Variants in IL1RAPL2 observed in about 807,000 individuals in gnomAD.
The protein encoded by IL1RAPL2 is X-linked interleukin-1 receptor accessory protein-like 2.
Under a neutral mutation model 44.1 loss-of-function variants are expected in IL1RAPL2, and 3 were observed. The ratio of observed to expected loss-of-function variants is 0.07; its 90% confidence interval spans 0.03 to 0.18. IL1RAPL2 has a LOEUF of 0.18. Among genes scored for constraint, IL1RAPL2 ranks in the 10% least tolerant of loss-of-function variants. The probability of loss-of-function intolerance (pLI) is 1.00; values close to 1 mark genes in which losing one functional copy is unlikely to be tolerated. For missense variants in IL1RAPL2, 391 were observed against 496.4 expected, an observed-to-expected ratio of 0.79 and a Z score of 2.02; for synonymous variants, 181 against 178.8, an observed-to-expected ratio of 1.01 and a Z score of -0.10.
intron 6 of IL1RAPL2, among the ~76,000 whole-genome samples, chrX:105,679,441 C>T (rs976540791): frequency 9.0e-6 from 1 of 111,644 alleles, no homozygotes; most frequent in African/African-American, 3.2e-5. Context: ...ATGAGGGAAC[C>T]AGGCAGATAT....
intron 5 of IL1RAPL2, among the ~76,000 whole-genome samples, chrX:105,397,906 T>G (rs2035575927): frequency 9.0e-6 from 1 of 111,064 alleles, no homozygotes; most frequent in South Asian, 3.8e-4. Flanking sequence ...TTTTCCATCC[T>G]TAGCTCTCTT....
At chrX:104,713,419 T>C (rs755151493) in intron 2 of IL1RAPL2, among the ~76,000 whole-genome samples, 2 of 110,897 alleles carry the variant, frequency 1.8e-5, no homozygotes, top group African/African-American at 3.3e-5. Context: ...TACTTGAAAT[T>C]GTTTAAAATG....
intron 2 of IL1RAPL2, among the ~76,000 whole-genome samples, chrX:105,018,357 C>A (rs1455202369): frequency 9.0e-6 from 1 of 111,279 alleles, no homozygotes; most frequent in East Asian, 2.9e-4. Flanking sequence ...GCTCAGTATG[C>A]CTTCCTCCTA....
At chrX:104,818,363 AAG>A (rs2147622226) in intron 2 of IL1RAPL2, among the ~76,000 whole-genome samples, 1 of 108,168 alleles carries the variant, frequency 9.2e-6, no homozygotes, top group South Asian at 4.1e-4. Flanking sequence ...AAAAAAAAAA[AAG>A]GTCAGTTTTT....
intron 2 of IL1RAPL2, among the ~76,000 whole-genome samples, chrX:105,065,884 T>A (rs1210649725): frequency 9.0e-6 from 1 of 111,637 alleles, no homozygotes; most frequent in East Asian, 2.8e-4. Flanking sequence ...TTTAGGTTTA[T>A]CTGTATGTTT....
chrX:104,712,660 C>T (rs1931482666), intron 2 of IL1RAPL2, among the ~76,000 whole-genome samples: 1 of 110,706 alleles, frequency 9.0e-6, no homozygotes, highest in South Asian at 3.7e-4. Flanking sequence ...TTTTTTCTCA[C>T]TGAACGAACA....
At chrX:105,671,640 A>G (rs2037825534) in intron 6 of IL1RAPL2, among the ~76,000 whole-genome samples, 1 of 111,266 alleles carries the variant, frequency 9.0e-6, no homozygotes, top group Non-Finnish European at 1.9e-5. Context: ...CTTGGTATGG[A>G]TTTCTTTGTG....
intron 6 of IL1RAPL2, among the ~76,000 whole-genome samples, chrX:105,712,928 C>T (rs1170121684): frequency 8.9e-6 from 1 of 112,105 alleles, no homozygotes; most frequent in Non-Finnish European, 1.9e-5. Flanking sequence ...AAGCCACAGG[C>T]CCCAGGCAAG....
At position 105,085,692 on chromosome X, in the gene IL1RAPL2, A is replaced by G. The variant is rs943338149; in HGVS notation, c.83-109783A>G. Among the ~76,000 whole-genome samples, 3 of 111,767 alleles carry G rather than the reference A, an allele frequency of 2.7e-5. 1 individual carries two copies. The Admixed American group carries it at 2.9e-4, about 11-fold the overall frequency. On this transcript the variant is annotated intron_variant, in intron 2 of 10. Coordinates refer to ENST00000372582, the MANE Select transcript of IL1RAPL2 (RefSeq NM_017416.2). ...TGGGTATACAGTTAACCGTTGAACA[A>G]CATGGGAGTTAGGGATGCTGACTCT...
chrX:105,098,108 G>T (rs2032628181), intron 2 of IL1RAPL2, among the ~76,000 whole-genome samples: 1 of 112,150 alleles, frequency 8.9e-6, no homozygotes, highest in African/African-American at 3.2e-5. Context: ...ATAGCATATA[G>T]TAGAAGAAGT....
chrX:105,161,999 C>T (rs2033329387), intron 2 of IL1RAPL2, among the ~76,000 whole-genome samples: 1 of 111,640 alleles, frequency 9.0e-6, no homozygotes, highest in Admixed American at 9.5e-5. Context: ...ATTTTCTTAG[C>T]CCAGGAATAA....
At chrX:105,220,349 C>T (rs781885185) in intron 3 of IL1RAPL2, 1 of 1,203,707 alleles carries the variant, frequency 8.3e-7, no homozygotes, top group Non-Finnish European at 1.1e-6. Flanking sequence ...AAGGCCACCA[C>T]GTTGCTATGC....
At chrX:104,938,851 G>A (rs1172858491) in intron 2 of IL1RAPL2, among the ~76,000 whole-genome samples, 1 of 111,248 alleles carries the variant, frequency 9.0e-6, no homozygotes, top group East Asian at 2.8e-4. Context: ...GGTGTCATGG[G>A]AAAATAGCAT....
intron 2 of IL1RAPL2, among the ~76,000 whole-genome samples, chrX:105,158,036 A>G (rs1321805310): frequency 8.9e-6 from 1 of 112,005 alleles, no homozygotes; most frequent in Non-Finnish European, 1.9e-5. Flanking sequence ...TTACATCTTA[A>G]CCTTAAAAAT....
At chrX:105,077,816 T>G (rs2147544756) in intron 2 of IL1RAPL2, among the ~76,000 whole-genome samples, 1 of 112,200 alleles carries the variant, frequency 8.9e-6, no homozygotes, top group African/African-American at 3.2e-5. Flanking sequence ...ATACCCTTTC[T>G]TCCAGTTGAT....
chrX:104,841,408 G>A (rs897095186), intron 2 of IL1RAPL2, among the ~76,000 whole-genome samples: 3 of 111,983 alleles, frequency 2.7e-5, no homozygotes, highest in South Asian at 3.7e-4. Context: ...ATATTGTTAT[G>A]TATGAATTTG....
intron 2 of IL1RAPL2, among the ~76,000 whole-genome samples, chrX:104,771,142 G>C (rs1456937830): frequency 8.9e-6 from 1 of 112,099 alleles, no homozygotes; most frequent in East Asian, 2.8e-4. Context: ...TATCAAAAAT[G>C]CTGCAACCTG....
intron 2 of IL1RAPL2, among the ~76,000 whole-genome samples, chrX:105,082,583 T>A (rs149268683): frequency 0.083 from 9,116 of 110,237 alleles, 973 homozygotes; most frequent in African/African-American, 0.29. Context: ...CCCCTCTGGG[T>A]TGAAGCTTCT....
chrX:104,634,585 T>TGGAA (rs1404903842), intron 1 of IL1RAPL2, among the ~76,000 whole-genome samples: 1 of 112,140 alleles, frequency 8.9e-6, no homozygotes, highest in Non-Finnish European at 1.9e-5. Flanking sequence ...ATTGATCCCT[T>TGGAA]TACCATTATG....
Sources: allele counts gnomAD v4.1 joint callset (sites outside exome capture counted in the v4.1 genomes callset), GRCh38; gene constraint gnomAD v4.1.1; transcripts MANE v1.5; gene names NCBI Gene and HGNC (gene_info 2026-07-23, HGNC 2026-07-21).